The following FBXO21 variants were observed in gnomAD, a reference collection of about 807,000 sequenced individuals.
The protein encoded by FBXO21 is F-box protein 21, also known as F-box only protein 21.
In FBXO21, 32 loss-of-function variants were observed where a neutral mutation model predicts 76.6. The ratio of observed to expected loss-of-function variants is 0.42; its 90% confidence interval spans 0.32 to 0.56. The LOEUF (loss-of-function observed/expected upper bound fraction) is 0.56. FBXO21 is among the 20% of genes least tolerant of loss of function. The probability of loss-of-function intolerance (pLI) is 0.16; values close to 1 mark genes in which losing one functional copy is unlikely to be tolerated. For missense variants in FBXO21, 586 were observed against 797.3 expected (o/e 0.73, Z 3.19); for synonymous variants, 328 against 311.5 (o/e 1.05, Z -0.56).
intron 5 of FBXO21, 118 bp downstream of exon 5, chr12:117,174,533 C>T (rs1267084384): frequency 7.7e-7 from 1 of 1,293,240 alleles, no homozygotes; most frequent in East Asian, 2.4e-5. Flanking sequence ...AACACGTGGT[C>T]ACGTCATTTT....
intron 3 of FBXO21, among the ~76,000 whole-genome samples, chr12:117,181,382 T>C (rs1276020006): frequency 6.6e-6 from 1 of 152,210 alleles, no homozygotes; most frequent in Non-Finnish European, 1.5e-5. Flanking sequence ...ATATTCTTAT[T>C]TTCTTTTCCT....
intron 7 of FBXO21, among the ~76,000 whole-genome samples, chr12:117,167,319 A>C (rs1956064400): frequency 1.3e-5 from 2 of 152,192 alleles, no homozygotes. Flanking sequence ...GGAAGACTAA[A>C]ACTCACTGCC....
chr12:117,155,992 G>A (rs373003107), intron 10 of FBXO21, 44 bp from the exon 11 acceptor site: 17 of 1,592,460 alleles, frequency 1.1e-5, no homozygotes, highest in African/African-American at 5.4e-5. Flanking sequence ...AGACCCGGCC[G>A]CAACAACCTC....
intron 7 of FBXO21, among the ~76,000 whole-genome samples, chr12:117,170,265 G>A (rs1009384209): frequency 6.6e-6 from 1 of 151,914 alleles, no homozygotes. Context: ...AGTGGTCCAT[G>A]TTCACAGAAA....
chr12:117,181,187 G>C (rs528018487), intron 3 of FBXO21, among the ~76,000 whole-genome samples: 16 of 152,214 alleles, frequency 1.1e-4, no homozygotes, highest in South Asian at 2.1e-4. Flanking sequence ...TTTTCCAGGA[G>C]ATCTCTCAGG....
Position 117,164,098 on chromosome 12 carries a change from T to TAA in FBXO21, c.1326+1385_1326+1386dup, listed in dbSNP as rs34246022. On this transcript the variant is annotated intron_variant, in intron 9 of 11. Transcript: ENST00000622495. ...AACATGGTGAAACTCAGTTTCTATT[T>TAA]AAAAAAAAAAAAAAATTAAAATACA... Among the ~76,000 whole-genome samples, 1,018 of 144,434 alleles carry TAA rather than the reference T, an allele frequency of 7.0e-3. 3 individuals carry two copies. The highest frequency in any genetic ancestry group is 9.9e-3 in the Non-Finnish European group (655 of 66,082). 94.8% of individuals were successfully genotyped at this position (144,434 alleles called of 152,430 possible).
At chr12:117,160,563 C>G (rs1174879628) in intron 9 of FBXO21, among the ~76,000 whole-genome samples, 1 of 152,232 alleles carries the variant, frequency 6.6e-6, no homozygotes, top group African/African-American at 2.4e-5. Flanking sequence ...GTGGCATAAA[C>G]TGCCCCCGTG....
chr12:117,148,568 T>A (rs1431070043), intron 11 of FBXO21, among the ~76,000 whole-genome samples: 1 of 152,224 alleles, frequency 6.6e-6, no homozygotes, highest in Non-Finnish European at 1.5e-5. Context: ...GCACAGAGTT[T>A]AAACTGGGCA....
intron 9 of FBXO21, among the ~76,000 whole-genome samples, chr12:117,164,044 G>C (rs1202553221): frequency 6.6e-6 from 1 of 151,064 alleles, no homozygotes; most frequent in Non-Finnish European, 1.5e-5. Context: ...AGATGGGCTT[G>C]AGCCCAGGAG....
At chr12:117,148,186 G>A (rs1955800557) in intron 11 of FBXO21, among the ~76,000 whole-genome samples, 1 of 152,080 alleles carries the variant, frequency 6.6e-6, no homozygotes, top group Admixed American at 6.5e-5. Flanking sequence ...TAAAACAGGA[G>A]GAGCTGAAGA....
At chr12:117,157,184 GAAAAAAAA>G (rs890181914) in intron 10 of FBXO21, among the ~76,000 whole-genome samples, 19 of 112,890 alleles carry the variant, frequency 1.7e-4, no homozygotes, top group East Asian at 2.4e-4. Flanking sequence ...TGTCTCCAAA[GAAAAAAAA>G]AAAAAGAAAA....
intron 9 of FBXO21, among the ~76,000 whole-genome samples, chr12:117,161,316 A>G (rs1234635268): frequency 6.6e-6 from 1 of 152,118 alleles, no homozygotes; most frequent in Non-Finnish European, 1.5e-5. Context: ...ACACAGAAAA[A>G]GTAGTGGGTG....
In FBXO21 at chr12:117,172,509, TG is replaced by T; in HGVS notation, c.974del (p.Pro325GlnfsTer6). ...GGCACCACCTTAATAAGAAGTGACT[TG>T]GGAAGTTGACAGGCTCCAGTGGGAC... is the stretch of plus-strand genomic sequence containing the variant. Reference protein sequence around the residue: ...LGVPLEPVNFPSHFLLRWCQG... With the variant: ...LGVPLEPVNFXSHFLLRWCQG... On this transcript the variant is annotated frameshift_variant, in exon 7 of 12. Transcript: ENST00000622495. LOFTEE classifies it high-confidence loss of function. 6.2e-7 allele frequency: 1 copy of T among 1,614,096 alleles called. No individual in the cohort carries two copies. The highest frequency in any genetic ancestry group is 8.5e-7 in the Non-Finnish European group (1 of 1,179,982).
chr12:117,183,238 C>T (rs1308259811), intron 3 of FBXO21, among the ~76,000 whole-genome samples: 1 of 150,824 alleles, frequency 6.6e-6, no homozygotes, highest in Non-Finnish European at 1.5e-5. Flanking sequence ...ATGGCAGTAT[C>T]TCATTGCTGT....
chr12:117,180,492 CAGG>C (rs1412854850), intron 3 of FBXO21, among the ~76,000 whole-genome samples: 6 of 152,106 alleles, frequency 3.9e-5, no homozygotes, highest in South Asian at 2.1e-4. Flanking sequence ...TTCTTTATTC[CAGG>C]AGAATTCTGC....
intron 2 of FBXO21, among the ~76,000 whole-genome samples, chr12:117,186,780 G>A (rs1199570638): frequency 6.6e-6 from 1 of 152,184 alleles, no homozygotes; most frequent in Non-Finnish European, 1.5e-5. Flanking sequence ...AATCAATGAT[G>A]TTTTCATAGA....
At chr12:117,183,710 T>C (rs562042782) in intron 3 of FBXO21, among the ~76,000 whole-genome samples, 2 of 152,376 alleles carry the variant, frequency 1.3e-5, no homozygotes, top group East Asian at 1.9e-4. Flanking sequence ...CTTGGCCATA[T>C]AGAAGTGTCT....
rs1294877208 is a variant in FBXO21, at chr12:117,142,049, G to C, written c.*4038C>G. 1.3e-5 allele frequency: 2 copies of C among 152,166 alleles called. No homozygotes were observed. The highest frequency in any genetic ancestry group is 3.9e-4 in the East Asian group (2 of 5,190). 9.4% of individuals were successfully genotyped at this position (152,166 alleles called of 1,614,324 possible). ...AGAGCCCTAATACAGTCATTGCTAC[G>C]TGGCCATAATACATGTATTCTATAA... On this transcript the variant is annotated 3_prime_UTR_variant, in exon 12 of 12. Coordinates refer to ENST00000622495, the MANE Select transcript of FBXO21 (RefSeq NM_015002.3).
chr12:117,176,609 G>A (rs184943482), intron 4 of FBXO21, among the ~76,000 whole-genome samples: 62 of 152,046 alleles, frequency 4.1e-4, no homozygotes, highest in African/African-American at 1.5e-3. Flanking sequence ...GGGAAGGGGG[G>A]GTAATGTTCA....
Sources: gnomAD v4.1 joint callset for allele counts (sites outside exome capture counted in the v4.1 genomes callset) on GRCh38, gnomAD v4.1.1 for gene constraint, MANE v1.5 for transcripts, NCBI Gene and HGNC (gene_info 2026-07-23, HGNC 2026-07-21) for gene names.